PRKG1: variants seen among roughly 807,000 people sequenced by gnomAD.
The protein encoded by PRKG1 is protein kinase cGMP-dependent 1.
Under a neutral mutation model 88.1 loss-of-function variants are expected in PRKG1, and 35 were observed. The observed-to-expected ratio is 0.40, with a 90% CI of 0.30 to 0.53. The LOEUF (loss-of-function observed/expected upper bound fraction) is 0.53. Among genes scored for constraint, PRKG1 ranks in the 20% least tolerant of loss-of-function variants. The pLI, the probability that PRKG1 is intolerant of heterozygous loss-of-function variation, is 0.59. For missense variants in PRKG1, 540 were observed against 839.8 expected (o/e 0.64, Z 4.41); for synonymous variants, 303 against 292.5 (o/e 1.04, Z -0.37).
intron 2 of PRKG1, among the ~76,000 whole-genome samples, chr10:51,195,904 A>C (rs1837751507): frequency 6.6e-6 from 1 of 152,144 alleles, no homozygotes; most frequent in Non-Finnish European, 1.5e-5. Context: ...TTTTATAGAG[A>C]GATACAGTGT....
intron 6 of PRKG1, among the ~76,000 whole-genome samples, chr10:52,061,040 A>C (rs2133266302): frequency 6.6e-6 from 1 of 152,144 alleles, no homozygotes; most frequent in Non-Finnish European, 1.5e-5. Context: ...ATAAGGGCCC[A>C]GTAACCTTTA....
chr10:51,056,514 T>C (rs2666546), intron 1 of PRKG1, among the ~76,000 whole-genome samples: 135,602 of 152,154 alleles, frequency 0.89, 60,592 homozygotes, highest in African/African-American at 0.96. Flanking sequence ...TCTTTCCTTC[T>C]ATTCCTAGTT....
At chr10:52,009,904 G>C (rs1844838289) in intron 5 of PRKG1, among the ~76,000 whole-genome samples, 1 of 151,948 alleles carries the variant, frequency 6.6e-6, no homozygotes, top group Admixed American at 6.6e-5. Context: ...CTGAGATGAT[G>C]AAAACAAGCA....
At chr10:51,696,993 A>C (rs2132403981) in intron 3 of PRKG1, 1 of 151,468 alleles carries the variant, frequency 6.6e-6, no homozygotes, top group African/African-American at 2.4e-5. Context: ...TGTCACAGCA[A>C]AATCATCATG....
intron 3 of PRKG1, among the ~76,000 whole-genome samples, chr10:51,757,394 G>A (rs969433455): frequency 7.9e-5 from 12 of 151,954 alleles, no homozygotes; most frequent in East Asian, 1.9e-4. Flanking sequence ...GTGAGCCACC[G>A]CTCCCAGCCC....
At chr10:51,786,462 C>A (rs570331034) in intron 3 of PRKG1, among the ~76,000 whole-genome samples, 1 of 152,214 alleles carries the variant, frequency 6.6e-6, no homozygotes, top group East Asian at 1.9e-4. Context: ...CTTTTCTTCA[C>A]TTGTGTAGCT....
chr10:51,165,589 A>T (rs2131997075), intron 2 of PRKG1, among the ~76,000 whole-genome samples: 1 of 152,248 alleles, frequency 6.6e-6, no homozygotes, highest in Middle Eastern at 3.4e-3. Context: ...CAATTAAAAG[A>T]CACAGACTGG....
intron 1 of PRKG1, among the ~76,000 whole-genome samples, chr10:51,065,156 T>G (rs1228593670): frequency 6.6e-6 from 1 of 152,012 alleles, no homozygotes; most frequent in East Asian, 1.9e-4. Flanking sequence ...GAAGCACTAG[T>G]AAAGAAGGCC....
intron 3 of PRKG1, chr10:51,697,953 T>G: frequency 6.3e-7 from 1 of 1,599,554 alleles, no homozygotes; most frequent in South Asian, 1.1e-5. Flanking sequence ...ACTCCTTGTA[T>G]GCCTGCCCCC....
chr10:51,229,362 C>A (rs1381424516), intron 2 of PRKG1, among the ~76,000 whole-genome samples: 1 of 152,142 alleles, frequency 6.6e-6, no homozygotes, highest in Non-Finnish European at 1.5e-5. Context: ...TTGTCTCACA[C>A]TGAATAAATG....
At chr10:51,866,823 T>C (rs1016197265) in intron 4 of PRKG1, among the ~76,000 whole-genome samples, 5 of 152,224 alleles carry the variant, frequency 3.3e-5, no homozygotes, top group African/African-American at 1.2e-4. Flanking sequence ...AAACTTTCTT[T>C]ATACTACCAG....
chr10:51,460,942 A>C (rs1256184528), intron 2 of PRKG1, among the ~76,000 whole-genome samples: 1 of 152,118 alleles, frequency 6.6e-6, no homozygotes, highest in Non-Finnish European at 1.5e-5. Context: ...TGTATGCCTC[A>C]TGACTTCAGA....
intron 7 of PRKG1, among the ~76,000 whole-genome samples, chr10:52,117,198 GTGTA>G (rs1285909960): frequency 1.5e-4 from 22 of 149,950 alleles, no homozygotes; most frequent in African/African-American, 5.4e-4. Flanking sequence ...GTGTGTGTGT[GTGTA>G]TGATTGGTAG....
chr10:51,997,230 T>A (rs1328391742), intron 5 of PRKG1, among the ~76,000 whole-genome samples: 6 of 151,974 alleles, frequency 3.9e-5, no homozygotes, highest in African/African-American at 1.5e-4. Context: ...CCCAGCACTT[T>A]GGGAGGCAGA....
At chr10:51,929,416 T>C (rs1842643787) in intron 5 of PRKG1, among the ~76,000 whole-genome samples, 1 of 144,024 alleles carries the variant, frequency 6.9e-6, no homozygotes. Context: ...AGTGGCACAA[T>C]GTTGGCTAAC....
intron 4 of PRKG1, among the ~76,000 whole-genome samples, chr10:51,808,003 T>C (rs572070277): frequency 1.3e-5 from 2 of 152,118 alleles, no homozygotes; most frequent in Non-Finnish European, 2.9e-5. Flanking sequence ...TATTAATTCC[T>C]TCTTCACATC....
At chr10:51,331,140 C>T (rs1203494548) in intron 2 of PRKG1, among the ~76,000 whole-genome samples, 1 of 152,110 alleles carries the variant, frequency 6.6e-6, no homozygotes, top group Non-Finnish European at 1.5e-5. Context: ...GCAGATGGTG[C>T]TTCCAGAATC....
At chr10:51,673,592 T>TA (rs147131220) in intron 3 of PRKG1, among the ~76,000 whole-genome samples, 4,399 of 152,326 alleles carry the variant, frequency 0.029, 104 homozygotes, top group South Asian at 0.059. Flanking sequence ...TGATATGACT[T>TA]ACAGTTCTCT....
intron 7 of PRKG1, 195 bp downstream of exon 7, chr10:52,062,826 T>C (rs1846269431): frequency 1.4e-6 from 1 of 716,184 alleles, no homozygotes; most frequent in African/African-American, 1.8e-5. Context: ...GTGGAATAAA[T>C]TCCTTAATTT....
Sources: gnomAD v4.1 joint callset for allele counts (sites outside exome capture counted in the v4.1 genomes callset) on GRCh38, gnomAD v4.1.1 for gene constraint, MANE v1.5 for transcripts, NCBI Gene and HGNC (gene_info 2026-07-23, HGNC 2026-07-21) for gene names.